Variants in NOP53 observed in about 807,000 individuals in gnomAD.
NOP53 encodes the protein ribosome biogenesis protein NOP53.
In NOP53, 40 loss-of-function variants were observed where a neutral mutation model predicts 61.0. The ratio of observed to expected loss-of-function variants is 0.66; its 90% CI spans 0.51 to 0.85. The LOEUF is 0.85. Among genes scored for constraint, NOP53 ranks in the 40% least tolerant of loss-of-function variants. The pLI is 0.00. For synonymous variants in NOP53, 308 were observed against 289.5 expected (o/e 1.06, Z -0.65); for missense variants, 689 against 652.9 (o/e 1.06, Z -0.60).
intron 10 of NOP53, 106 bp from the exon 11 acceptor site, chr19:47,756,422 C>G (rs977849692): frequency 2.0e-5 from 17 of 848,396 alleles, no homozygotes; most frequent in Non-Finnish European, 2.8e-5. Context: ...ACAGGCTGCC[C>G]TGGGGGGAGA....
Position 47,745,746 on chromosome 19 carries a change from T to C in NOP53, c.187T>C (p.Phe63Leu), listed in dbSNP as rs999681608. The C allele has an allele frequency of 1.2e-5, 19 of 1,596,226 alleles. No individual in the cohort carries two copies. Among genetic ancestry groups the C allele is most frequent in the East Asian group, 6.7e-5 (3 of 44,596 alleles). ...QEPLGLEVDQFLEDVRLQERT... is the reference protein window; with the variant it reads ...QEPLGLEVDQLLEDVRLQERT... ...GCCGCTGGGGCTGGAGGTTGACCAG[T>C]TCCTGGAAGACGTGCGGCTACAGGA... The change falls in exon 1 of 13, where the codon TTC becomes CTC. Residue 63 changes from phenylalanine (F) to leucine (L), a missense_variant. By Grantham distance (22) the Phe-to-Leu change is conservative. Transcript: ENST00000246802.
intron 5 of NOP53, 47 bp from the exon 6 acceptor site, chr19:47,752,465 G>T: frequency 1.7e-6 from 2 of 1,198,390 alleles, no homozygotes; most frequent in South Asian, 1.2e-5. Flanking sequence ...TGGGTCACCC[G>T]CAGCCCCAAC....
In NOP53 at chr19:47,754,698, C is replaced by T. The variant is rs773683894; in HGVS notation, c.871-11C>T. ...CCTACCCACCCCTGACACTGCACCCCGCCTCCCCAGGAGTCCACATTCCAG... is the reference window on the plus strand; with the variant it reads ...CCTACCCACCCCTGACACTGCACCCTGCCTCCCCAGGAGTCCACATTCCAG... On this transcript the variant is annotated splice_polypyrimidine_tract_variant and intron_variant, in intron 7 of 12. Transcript: ENST00000246802. This position sits in a 1 kb window ranked among gnomAD's most constrained non-coding sequence, Gnocchi z 4.2. The T allele has an allele frequency of 2.5e-5, 39 of 1,535,876 alleles. No homozygotes were observed. Among genetic ancestry groups the T allele is most frequent in the South Asian group, 1.4e-4 (12 of 82,760 alleles).
chr19:47,750,582 G>T (rs1967112196), intron 3 of NOP53, among the ~76,000 whole-genome samples: 1 of 152,118 alleles, frequency 6.6e-6, no homozygotes, highest in South Asian at 2.1e-4. Flanking sequence ...TGAGAGGGTG[G>T]ACAGCTGGCC....
chr19:47,749,436 T>G, intron 2 of NOP53, among the ~76,000 whole-genome samples: 1 of 152,162 alleles, frequency 6.6e-6, no homozygotes, highest in Non-Finnish European at 1.5e-5. Context: ...CTTAAATGAT[T>G]ACATCTTCAT....
chr19:47,750,915 G>A lies in NOP53; in HGVS notation c.406G>A (p.Ala136Thr), dbSNP rs11538670. The part of the protein sequence containing the change: ...SKVPAPKDVL[A>T]HQVPNAKKLR... ...CCCCCTCTCCCCGACCAGCGTCCTCGCCCACCAGGTCCCCAACGCCAAGAA... is the reference window on the plus strand; with the variant it reads ...CCCCCTCTCCCCGACCAGCGTCCTCACCCACCAGGTCCCCAACGCCAAGAA... The change falls in exon 4 of 13, where the codon GCC becomes ACC. Residue 136 changes from alanine (A) to threonine (T), a missense_variant. Transcript: ENST00000246802. 1.0e-5 allele frequency: 16 copies of A among 1,587,954 alleles called. No individual in the cohort carries two copies. In the African/African-American group the frequency reaches 1.6e-4, roughly 16 times the overall value.
chr19:47,752,454 C>T, intron 5 of NOP53, 58 bp from the exon 6 acceptor site: 3 of 1,084,188 alleles, frequency 2.8e-6, no homozygotes, highest in Non-Finnish European at 4.2e-6. Flanking sequence ...TGGCTGTGTC[C>T]TGGGTCACCC....
chr19:47,756,327 C>T (rs1034527100), intron 10 of NOP53: 8 of 595,578 alleles, frequency 1.3e-5, no homozygotes, highest in Non-Finnish European at 2.4e-5. Flanking sequence ...CCTCTAAGCC[C>T]AGCTTAGAGA....
chr19:47,750,065 C>T (rs1967105855), intron 2 of NOP53, 113 bp from the exon 3 acceptor site: 2 of 664,054 alleles, frequency 3.0e-6, no homozygotes, highest in Admixed American at 2.4e-5. Flanking sequence ...CTCCAAGTCT[C>T]CTGGGGTGAC....
At chr19:47,747,217 C>T (rs1007594836) in intron 2 of NOP53, among the ~76,000 whole-genome samples, 186 bp downstream of exon 2, 2 of 152,098 alleles carry the variant, frequency 1.3e-5, no homozygotes, top group African/African-American at 2.4e-5. Context: ...TTAGAGAAGG[C>T]AGGTTTTTCT....
chr19:47,751,228 T>A, intron 4 of NOP53, 121 bp downstream of exon 4: 1 of 956,882 alleles, frequency 1.0e-6, no homozygotes, highest in Non-Finnish European at 1.6e-6. Flanking sequence ...TTTGGTGACC[T>A]CCCAGCAGAG....
rs1042558 is a variant in NOP53 at position 47,752,547 on chromosome 19, A to G, written c.705A>G (p.Ala235=). Residue 235 remains alanine, a synonymous_variant, in exon 6 of 13, where the codon GCA becomes GCG. Coordinates refer to ENST00000246802, the MANE Select transcript of NOP53 (RefSeq NM_015710.5). ...PARLHTKPSQ[A]PAVEVAPAGA... is the part of the protein sequence containing the mutation. The stretch of plus-strand genomic sequence containing the variant: ...GCCTGCACACCAAGCCGTCCCAGGC[A>G]CCCGCCGTGGAGGTGGCGCCTGCCG... The G allele has an allele frequency of 0.55, 875,898 of 1,605,904 alleles. 246,228 individuals are homozygous for G. The highest frequency in any genetic ancestry group is 0.62 in the South Asian group (56,235 of 90,980).
chr19:47,755,342 C>A lies in NOP53; in HGVS notation c.1054-6C>A, dbSNP rs1326234823. 1 of 1,498,004 alleles carries A rather than the reference C, an allele frequency of 6.7e-7. No individual in the cohort carries two copies. The highest frequency in any genetic ancestry group is 2.3e-5 in the Admixed American group (1 of 43,026). The allele number at this position is 1,498,004 out of a possible 1,614,324, so 92.8% of individuals were successfully genotyped here. On this transcript the variant is annotated splice_polypyrimidine_tract_variant and splice_region_variant and intron_variant, in intron 8 of 12. Transcript: ENST00000246802. Reference sequence around the variant, plus strand: ...CCTGAGCCCTGACCCTCCCCCGTCTCCACAGCGGGTACAGCAGGCCGCGTT... The same window carrying A: ...CCTGAGCCCTGACCCTCCCCCGTCTACACAGCGGGTACAGCAGGCCGCGTT...
At chr19:47,746,915 T>C in intron 1 of NOP53, 52 bp from the exon 2 acceptor site, 2 of 1,486,712 alleles carry the variant, frequency 1.3e-6, no homozygotes, top group Non-Finnish European at 1.9e-6. Context: ...CCAGGTTAAA[T>C]CTCTTTCCTC....
rs1008199128 is a variant in NOP53 at position 47,754,516 on chromosome 19, C to G, written c.766-11C>G. ...GGGGTTCAGGGACCCATCCTCACTCCCGCCCCTCAGACCCTGCTCTCAGCG... is the reference window on the plus strand; with the variant it reads ...GGGGTTCAGGGACCCATCCTCACTCGCGCCCCTCAGACCCTGCTCTCAGCG... On this transcript the variant is annotated splice_polypyrimidine_tract_variant and intron_variant, in intron 6 of 12. Coordinates refer to ENST00000246802, the MANE Select transcript of NOP53 (RefSeq NM_015710.5). The surrounding 1 kb of genome is among the most constrained non-coding windows in gnomAD (Gnocchi z 4.2). 10 of 1,542,366 alleles carry G rather than the reference C, an allele frequency of 6.5e-6. No individual in the cohort carries two copies. Among genetic ancestry groups the G allele is most frequent in the Middle Eastern group, 4.6e-4 (2 of 4,342 alleles).
intron 1 of NOP53, chr19:47,746,597 C>T (rs912038241): frequency 2.9e-5 from 5 of 172,376 alleles, no homozygotes; most frequent in Non-Finnish European, 5.0e-5. Context: ...GAACTCCTGA[C>T]CTTAGGTGAT....
At chr19:47,755,670 C>G (rs1967186690) in intron 9 of NOP53, 86 bp from the exon 10 acceptor site, 1 of 1,382,404 alleles carries the variant, frequency 7.2e-7, no homozygotes, top group African/African-American at 1.4e-5. Context: ...TTCTCAGAGG[C>G]CCCTTCTTCT....
Position 47,754,974 on chromosome 19 carries a change from T to C in NOP53, c.1053+83T>C, listed in dbSNP as rs1967171905. The C allele has an allele frequency of 3.1e-6, 4 of 1,293,508 alleles. No homozygotes were observed. The highest frequency in any genetic ancestry group is 3.0e-5 in the African/African-American group (2 of 66,104). 80.1% of individuals were successfully genotyped at this position (1,293,508 alleles called of 1,614,324 possible). Reference sequence around the variant, plus strand: ...TCCCACCATGGGCTGCCCTGGGTGCTGCGGGCAGCCTGCACACCCCAAGCC... The same window carrying C: ...TCCCACCATGGGCTGCCCTGGGTGCCGCGGGCAGCCTGCACACCCCAAGCC... On this transcript the variant is annotated intron_variant, in intron 8 of 12. Coordinates refer to ENST00000246802, the MANE Select transcript of NOP53 (RefSeq NM_015710.5). The surrounding 1 kb of genome is among the most constrained non-coding windows in gnomAD (Gnocchi z 4.2).
At chr19:47,756,786 C>T (rs1967206663) in intron 12 of NOP53, 42 bp downstream of exon 12, 4 of 1,601,320 alleles carry the variant, frequency 2.5e-6, no homozygotes, top group Non-Finnish European at 3.4e-6. Context: ...GAGCCCTTCT[C>T]CCACCCCGTG....
Sources: allele counts gnomAD v4.1 joint callset (sites outside exome capture counted in the v4.1 genomes callset), GRCh38; gene constraint gnomAD v4.1.1; non-coding constraint Gnocchi (gnomAD v3.1); transcripts MANE v1.5; gene names NCBI Gene and HGNC (gene_info 2026-07-23, HGNC 2026-07-21).